HMG20B: variants seen among roughly 807,000 people sequenced by gnomAD.
HMG20B encodes the protein high mobility group 20B.
A neutral mutation model predicts 41.6 loss-of-function variants in HMG20B; 24 were observed. The observed-to-expected ratio is 0.58, with a 90% CI of 0.42 to 0.81. The LOEUF (loss-of-function observed/expected upper bound fraction) is 0.81, where lower values mean the gene tolerates loss of function less well. Ranked by LOEUF, HMG20B falls within the 30% of genes least tolerant of loss-of-function variation. The probability of loss-of-function intolerance (pLI) is 0.00; values close to 1 mark genes in which losing one functional copy is unlikely to be tolerated. For missense variants in HMG20B, 461 were observed against 444.0 expected, an observed-to-expected ratio of 1.04 and a Z score of -0.34; for synonymous variants, 251 against 186.6, an observed-to-expected ratio of 1.34 and a Z score of -2.81.
chr19:3,578,224 A>T, intron 9 of HMG20B, 111 bp downstream of exon 9: 4 of 1,441,162 alleles, frequency 2.8e-6, no homozygotes, highest in Non-Finnish European at 3.7e-6. Flanking sequence ...AGCTTACTAG[A>T]GATCACCTCC....
chr19:3,575,162 G>A (rs764309006), intron 4 of HMG20B, among the ~76,000 whole-genome samples: 9 of 152,144 alleles, frequency 5.9e-5, no homozygotes, highest in Admixed American at 3.3e-4. Context: ...TTTAAAAATT[G>A]CAAAAACATC....
intron 4 of HMG20B, 36 bp downstream of exon 4, chr19:3,574,622 G>GA: frequency 6.5e-7 from 1 of 1,533,362 alleles, no homozygotes; most frequent in Non-Finnish European, 8.8e-7. Flanking sequence ...GGCTGGCGGG[G>GA]TCCACGGACT....
chr19:3,576,906 C>T lies in HMG20B; in HGVS notation c.607C>T (p.Leu203Phe). Reference sequence around the variant, plus strand: ...CCCCGGCGCAGCGCGTGAGGCGGAGCTTCGGCGCTTGCGGAAGATGAATGT... The same window carrying T: ...CCCCGGCGCAGCGCGTGAGGCGGAGTTTCGGCGCTTGCGGAAGATGAATGT... The part of the protein sequence containing the change: ...LDQNKAREAE[L>F]RRLRKMNVAF... The change falls in exon 8 of 10, where the codon CTT becomes TTT. Residue 203 changes from leucine to phenylalanine, a missense_variant. Leu to Phe is a conservative substitution (Grantham distance 22). Around this residue, in one of 3 missense-constraint regions of HMG20B, gnomAD observed 308 missense variants for 283.4 expected, o/e 1.09. Coordinates refer to ENST00000333651, the MANE Select transcript of HMG20B (RefSeq NM_006339.3). 6.4e-7 allele frequency: 1 copy of T among 1,573,220 alleles called. No individual in the cohort carries two copies.
intron 9 of HMG20B, 189 bp from the exon 10 acceptor site, chr19:3,578,320 G>T: frequency 1.8e-6 from 2 of 1,127,308 alleles, no homozygotes; most frequent in Non-Finnish European, 2.5e-6. Context: ...CCACTCGGGG[G>T]CACCAGAACT....
chr19:3,578,788 C>CGCGCTACACTG lies in HMG20B; in HGVS notation c.*270_*280dup. On this transcript the variant is annotated 3_prime_UTR_variant, in exon 10 of 10. Coordinates refer to ENST00000333651, the MANE Select transcript of HMG20B (RefSeq NM_006339.3). Reference sequence around the variant, plus strand: ...GGTGCCCCTCCTCGGAGGACAGCCACGCGCTACACTGGCTCTCCGGGCCAC... The same window carrying CGCGCTACACTG: ...GGTGCCCCTCCTCGGAGGACAGCCACGCGCTACACTGGCGCTACACTGGCTCTCCGGGCCAC... 2.7e-6 allele frequency: 2 copies of CGCGCTACACTG among 732,984 alleles called. No homozygotes were observed. Among genetic ancestry groups the CGCGCTACACTG allele is most frequent in the Non-Finnish European group, 5.0e-6 (2 of 401,874 alleles). The allele number at this position is 732,984 out of a possible 1,614,324, so 45.4% of individuals were successfully genotyped here.
At chr19:3,577,262 C>G in intron 8 of HMG20B, 155 bp downstream of exon 8, 1 of 599,292 alleles carries the variant, frequency 1.7e-6, no homozygotes, top group East Asian at 3.0e-5. Flanking sequence ...TCGCCCCGCC[C>G]TCATCACCCC....
At chr19:3,575,453 G>C in intron 4 of HMG20B, 87 bp from the exon 5 acceptor site, 1 of 1,535,836 alleles carries the variant, frequency 6.5e-7, no homozygotes, top group Non-Finnish European at 8.8e-7. Flanking sequence ...CAGGAGAGGG[G>C]AGGGTGCTGT....
intron 5 of HMG20B, chr19:3,575,953 AAAAAAAG>A: frequency 3.9e-6 from 2 of 515,474 alleles, no homozygotes; most frequent in Non-Finnish European, 6.9e-6. Flanking sequence ...CAAAAAAAAA[AAAAAAAG>A]AAAAAGAAAA....
rs929294604 is a variant in HMG20B, at chr19:3,574,497, A to G, written c.262A>G (p.Ile88Val). Residue 88 changes from isoleucine to valine, a missense_variant, in exon 4 of 10, where the codon ATC becomes GTC. Physicochemically the swap from Ile to Val is conservative, Grantham distance 29. Around this residue, in one of 3 missense-constraint regions of HMG20B, gnomAD observed 49 missense variants for 84.1 expected, o/e 0.58. Coordinates refer to ENST00000333651, the MANE Select transcript of HMG20B (RefSeq NM_006339.3). Reference protein sequence around the residue: ...VRFLNERREQIRTRHPDLPFP... With the variant: ...VRFLNERREQVRTRHPDLPFP... ...CTTCCTGAACGAGCGGCGCGAGCAG[A>G]TCCGCACGCGCCACCCGGATCTGCC... The G allele has an allele frequency of 6.2e-7, 1 of 1,607,286 alleles. No homozygotes were observed. The highest frequency in any genetic ancestry group is 2.2e-5 in the East Asian group (1 of 44,622).
chr19:3,576,317 C>T lies in HMG20B; in HGVS notation c.519+10C>T, dbSNP rs1487913949. The stretch of plus-strand genomic sequence containing the variant: ...CCTGAATGGACACAAGGTAAGCGAC[C>T]TTCTTCCTCTCAAAGCACCTGGGGG... On this transcript the variant is annotated intron_variant, in intron 6 of 9. Coordinates refer to ENST00000333651, the MANE Select transcript of HMG20B (RefSeq NM_006339.3). The T allele has an allele frequency of 2.8e-6, 2 of 717,458 alleles. No homozygotes were observed. The highest frequency in any genetic ancestry group is 4.0e-6 in the Non-Finnish European group (2 of 493,854). The allele number at this position is 717,458 out of a possible 1,614,324, so 44.4% of individuals were successfully genotyped here.
chr19:3,574,639 C>G (rs1414163147), intron 4 of HMG20B, 53 bp downstream of exon 4: 1 of 1,474,386 alleles, frequency 6.8e-7, no homozygotes, highest in Non-Finnish European at 9.1e-7. Context: ...GACTACCCCC[C>G]AGTAGCCCCG....
In HMG20B at chr19:3,576,759, C is replaced by T. The variant is rs1316748183; in HGVS notation, c.593-133C>T. ...ATGAGCGTCCAGGCGCACGCTGTCGCTCCAGAGGCTGATGTGGAGCAGGAG... is the reference window on the plus strand; with the variant it reads ...ATGAGCGTCCAGGCGCACGCTGTCGTTCCAGAGGCTGATGTGGAGCAGGAG... On this transcript the variant is annotated intron_variant, in intron 7 of 9. Coordinates refer to ENST00000333651, the MANE Select transcript of HMG20B (RefSeq NM_006339.3). 4.7e-6 allele frequency: 6 copies of T among 1,270,694 alleles called. No individual in the cohort carries two copies. The Admixed American group carries it at 6.1e-5, about 13-fold the overall frequency. The allele number at this position is 1,270,694 out of a possible 1,614,324, so 78.7% of individuals were successfully genotyped here. A position where few individuals can be genotyped will look rare whatever the true frequency, so the allele number is the denominator to read the frequency against.
At chr19:3,577,509 C>G (rs1599857255) in intron 8 of HMG20B, among the ~76,000 whole-genome samples, 1 of 146,368 alleles carries the variant, frequency 6.8e-6, no homozygotes, top group Non-Finnish European at 1.5e-5. Flanking sequence ...ACCGGCCCCA[C>G]CGTCGCTGGC....
chr19:3,575,041 G>A (rs1229936880), intron 4 of HMG20B, among the ~76,000 whole-genome samples: 3 of 152,154 alleles, frequency 2.0e-5, no homozygotes, highest in Non-Finnish European at 4.4e-5. Context: ...TTGGGGGCGC[G>A]GCTAGCAAGA....
chr19:3,574,637 C>G (rs1599854402), intron 4 of HMG20B, 51 bp downstream of exon 4: 6 of 1,472,946 alleles, frequency 4.1e-6, no homozygotes, highest in East Asian at 2.5e-5. Context: ...CGGACTACCC[C>G]CCAGTAGCCC....
intron 9 of HMG20B, 57 bp from the exon 10 acceptor site, chr19:3,578,452 G>A (rs556226874): frequency 2.7e-6 from 4 of 1,469,762 alleles, no homozygotes; most frequent in African/African-American, 2.8e-5. Flanking sequence ...CCCCAGGGCC[G>A]GGGTGGGGGC....
chr19:3,573,464 G>T, intron 2 of HMG20B, 117 bp downstream of exon 2: 1 of 1,169,304 alleles, frequency 8.6e-7, no homozygotes, highest in South Asian at 1.6e-5. Context: ...CTGGGTCAGG[G>T]GGCTTCTCCC....
intron 8 of HMG20B, among the ~76,000 whole-genome samples, chr19:3,577,369 C>T (rs1017262246): frequency 1.3e-5 from 2 of 148,254 alleles, no homozygotes; most frequent in African/African-American, 5.0e-5. Context: ...CCCCGTTACT[C>T]GGCCGGCTCC....
In HMG20B at chr19:3,574,383, C is replaced by T; in HGVS notation, c.148C>T (p.Pro50Ser). Residue 50 changes from proline (P) to serine (S), a missense_variant and splice_region_variant, in exon 4 of 10, where the codon CCG becomes TCG. By Grantham distance (74) the Pro-to-Ser change is moderately conservative. This residue lies in a region of HMG20B where 104 missense variants were observed against 76.5 expected (regional missense o/e 1.36). Coordinates refer to ENST00000333651, the MANE Select transcript of HMG20B (RefSeq NM_006339.3). ...CCAACGACGCAGCCCGGTTCTGCAG[C>T]CGGTGAAGAAACGCGGCTGGCCCAA... ...AGEKGSHEEE[P>S]VKKRGWPKGK... is the part of the protein sequence containing the mutation. 6.3e-7 allele frequency: 1 copy of T among 1,582,828 alleles called. No individual in the cohort carries two copies. Among genetic ancestry groups the T allele is most frequent in the Non-Finnish European group, 8.6e-7 (1 of 1,165,300 alleles).
Sources: gnomAD v4.1 joint callset for allele counts (sites outside exome capture counted in the v4.1 genomes callset) on GRCh38, gnomAD v4.1.1 for gene constraint, gnomAD v4.1.1 regional missense constraint, MANE v1.5 for transcripts, NCBI Gene and HGNC (gene_info 2026-07-23, HGNC 2026-07-21) for gene names.